The following DYRK1A variants were observed in gnomAD, a reference collection of about 807,000 sequenced individuals.
The protein encoded by DYRK1A is dual specificity tyrosine-phosphorylation-regulated kinase 1A.
Under a neutral mutation model 79.7 loss-of-function variants are expected in DYRK1A, and 9 were observed. The ratio of observed to expected loss-of-function variants is 0.11; its 90% CI spans 0.07 to 0.20. DYRK1A has a LOEUF of 0.20. DYRK1A is among the 10% of genes least tolerant of loss of function. The probability of loss-of-function intolerance (pLI) is 1.00; values close to 1 mark genes in which losing one functional copy is unlikely to be tolerated. For missense variants in DYRK1A, 622 were observed against 956.0 expected (o/e 0.65, Z 4.61); for synonymous variants, 349 against 329.7 (o/e 1.06, Z -0.63).
At chr21:37,370,839 A>G (rs1467628534) in intron 1 of DYRK1A, among the ~76,000 whole-genome samples, 2 of 152,242 alleles carry the variant, frequency 1.3e-5, no homozygotes, top group African/African-American at 4.8e-5. Flanking sequence ...ACGTGAAACT[A>G]TTAGTAATGT....
intron 2 of DYRK1A, among the ~76,000 whole-genome samples, chr21:37,431,377 C>G (rs2050769629): frequency 6.6e-6 from 1 of 152,162 alleles, no homozygotes. Flanking sequence ...CCTTCCTGGC[C>G]TTTGTAAACA....
intron 4 of DYRK1A, among the ~76,000 whole-genome samples, chr21:37,479,600 G>GTTCTTGTT (rs2052534067): frequency 4.4e-5 from 1 of 22,794 alleles, no homozygotes; most frequent in Non-Finnish European, 7.2e-5. Context: ...TTTTGTTTTT[G>GTTCTTGTT]TTTTTGTTTT....
At chr21:37,385,779 A>T (rs867877878) in intron 1 of DYRK1A, among the ~76,000 whole-genome samples, 1 of 152,194 alleles carries the variant, frequency 6.6e-6, no homozygotes, top group Non-Finnish European at 1.5e-5. Context: ...TTACCATACC[A>T]TGTTCTTCTA....
chr21:37,366,052 GC>G (rs977834984), upstream of DYRK1A: 1 of 151,718 alleles, frequency 6.6e-6, no homozygotes, highest in Non-Finnish European at 1.5e-5. Context: ...GCTCCTCCCC[GC>G]CCCCACCACG....
chr21:37,446,305 C>CT (rs1569329054), intron 2 of DYRK1A, among the ~76,000 whole-genome samples: 1 of 152,080 alleles, frequency 6.6e-6, no homozygotes, highest in Non-Finnish European at 1.5e-5. Context: ...AACATATTTG[C>CT]TTTTTTTCTA....
Position 37,457,273 on chromosome 21 carries a change from C to T in DYRK1A, c.11-15411C>T, listed in dbSNP as rs1414432980. Among the ~76,000 whole-genome samples the T allele has an allele frequency of 7.9e-5, 12 of 152,238 alleles. No homozygotes were observed. The East Asian group carries it at 2.1e-3, about 27-fold the overall frequency. On this transcript the variant is annotated intron_variant, in intron 2 of 11. Transcript: ENST00000647188. ...CGCAAGACAGAGTCTCACTCTGTTGCCCAGACTGGAGTGCAGGGGCACGGA... is the reference window on the plus strand; with the variant it reads ...CGCAAGACAGAGTCTCACTCTGTTGTCCAGACTGGAGTGCAGGGGCACGGA...
chr21:37,377,571 C>T (rs973968706), intron 1 of DYRK1A, among the ~76,000 whole-genome samples: 7 of 152,142 alleles, frequency 4.6e-5, no homozygotes, highest in Admixed American at 2.0e-4. Flanking sequence ...TGGGTTCAAG[C>T]GATCCTCTCA....
At chr21:37,444,704 T>G (rs2051212726) in intron 2 of DYRK1A, among the ~76,000 whole-genome samples, 1 of 152,050 alleles carries the variant, frequency 6.6e-6, no homozygotes, top group Non-Finnish European at 1.5e-5. Flanking sequence ...AAATGAGAAG[T>G]CAGGCATTTG....
chr21:37,437,584 TACTTC>T (rs780128757), intron 2 of DYRK1A, among the ~76,000 whole-genome samples: 2 of 152,238 alleles, frequency 1.3e-5, no homozygotes, highest in Non-Finnish European at 2.9e-5. Flanking sequence ...GAAGATTTAT[TACTTC>T]ACTTGTTCCA....
At chr21:37,504,793 T>C (rs1481525251) in intron 9 of DYRK1A, 1 of 154,896 alleles carries the variant, frequency 6.5e-6, no homozygotes, top group Non-Finnish European at 1.4e-5. Flanking sequence ...TGCCATAGCT[T>C]TCTTGGGCTG....
intron 1 of DYRK1A, among the ~76,000 whole-genome samples, chr21:37,377,410 T>A (rs575599400): frequency 6.6e-6 from 1 of 152,102 alleles, no homozygotes; most frequent in East Asian, 1.9e-4. Flanking sequence ...TGAGCCACCG[T>A]GCCCCGCATT....
intron 6 of DYRK1A, chr21:37,488,657 C>A (rs2052962833): frequency 2.0e-6 from 2 of 985,330 alleles, no homozygotes; most frequent in Middle Eastern, 5.2e-4. Flanking sequence ...GCTCAGCACA[C>A]TGTAGATACT....
rs2053957479 is a variant in DYRK1A at position 37,524,783 on chromosome 21, T to TA, written c.*12253dup. The TA allele has an allele frequency of 6.6e-6, 1 of 152,238 alleles. No individual in the cohort carries two copies. The highest frequency in any genetic ancestry group is 2.1e-4 in the South Asian group (1 of 4,834). 9.4% of individuals were successfully genotyped at this position (152,238 alleles called of 1,614,324 possible). A position where few individuals can be genotyped will look rare whatever the true frequency, so the allele number is the denominator to read the frequency against. ...TATCAATAGTCTTATGTGGAACAAC[T>TA]ACTGGCAAAAGTATTTTCAAAGCTG... On this transcript the variant is annotated 3_prime_UTR_variant, in exon 12 of 12. Transcript: ENST00000647188.
At chr21:37,385,967 G>C (rs1033314770) in intron 1 of DYRK1A, among the ~76,000 whole-genome samples, 1 of 152,042 alleles carries the variant, frequency 6.6e-6, no homozygotes, top group Non-Finnish European at 1.5e-5. Flanking sequence ...CTTTGCACCC[G>C]TTAACATAGT....
chr21:37,483,592 G>T (rs1407804668), intron 5 of DYRK1A, among the ~76,000 whole-genome samples: 2 of 151,684 alleles, frequency 1.3e-5, no homozygotes, highest in Non-Finnish European at 2.9e-5. Flanking sequence ...GTTTTGTTTT[G>T]TTTTTTAAGA....
chr21:37,481,411 G>A (rs1378777155), intron 5 of DYRK1A: 2 of 152,106 alleles, frequency 1.3e-5, no homozygotes, highest in African/African-American at 4.8e-5. Context: ...TTTATTTAGA[G>A]ACAGACTTGC....
At chr21:37,387,761 C>T (rs1236332508) in intron 1 of DYRK1A, among the ~76,000 whole-genome samples, 4 of 152,098 alleles carry the variant, frequency 2.6e-5, no homozygotes, top group African/African-American at 7.2e-5. Flanking sequence ...TTTTGAGATA[C>T]GGTCAGAAAA....
At chr21:37,504,055 C>T (rs1263813687) in intron 9 of DYRK1A, 1 of 152,142 alleles carries the variant, frequency 6.6e-6, no homozygotes, top group Non-Finnish European at 1.5e-5. Flanking sequence ...TCTGTCAGGC[C>T]CCTCATGTGG....
chr21:37,478,067 G>A, intron 3 of DYRK1A, 141 bp from the exon 4 acceptor site: 1 of 1,114,978 alleles, frequency 9.0e-7, no homozygotes, highest in Non-Finnish European at 1.3e-6. Flanking sequence ...CTTTGAGAGA[G>A]AATGTATAAT....
Sources: gnomAD v4.1 joint callset for allele counts (sites outside exome capture counted in the v4.1 genomes callset) on GRCh38, gnomAD v4.1.1 for gene constraint, MANE v1.5 for transcripts, NCBI Gene and HGNC (gene_info 2026-07-23, HGNC 2026-07-21) for gene names.